The following NEK9 variants were observed in gnomAD, a reference collection of about 807,000 sequenced individuals.
The protein encoded by NEK9 is serine/threonine-protein kinase Nek9.
Under a neutral mutation model 123.4 loss-of-function variants are expected in NEK9, and 75 were observed. The observed-to-expected ratio is 0.61, with a 90% confidence interval of 0.50 to 0.74. The LOEUF (loss-of-function observed/expected upper bound fraction) is 0.74, where lower values mean the gene tolerates loss of function less well. NEK9 is among the 30% of genes least tolerant of loss of function. The probability of loss-of-function intolerance (pLI) is 0.00; values close to 1 mark genes in which losing one functional copy is unlikely to be tolerated. For missense variants in NEK9, 952 were observed against 1,214.4 expected (o/e 0.78, Z 3.21); for synonymous variants, 438 against 458.7 (o/e 0.95, Z 0.58).
chr14:75,122,542 GCT>G (rs2139809902), intron 2 of NEK9, among the ~76,000 whole-genome samples: 1 of 151,784 alleles, frequency 6.6e-6, no homozygotes, highest in Admixed American at 6.5e-5. Context: ...ATGGAGTCTC[GCT>G]CTGTCACCAG....
rs764013068 is a variant in NEK9, at chr14:75,126,774, G to C, written c.148C>G (p.Leu50Val). ...AGGACGCGGATGGGGATGTAGTGCA[G>C]TTCCTCCTGCTCCGCCGCGCCGCCG... ...AGGGAAEQEE[L>V]HYIPIRVLGR... The change falls in exon 1 of 22, where the codon CTG (leucine) becomes GTG (valine). Residue 50 changes from leucine to valine, a missense_variant. Leu to Val is a conservative substitution (Grantham distance 32). This residue lies in a region of NEK9 where 120 missense variants were observed against 97.6 expected (regional missense o/e 1.23). Coordinates refer to ENST00000238616, the MANE Select transcript of NEK9 (RefSeq NM_033116.6). The C allele has an allele frequency of 5.2e-6, 8 of 1,531,418 alleles. No homozygotes were observed. The South Asian group carries it at 7.3e-5, about 14-fold the overall frequency. 94.9% of individuals were successfully genotyped at this position (1,531,418 alleles called of 1,614,324 possible).
intron 13 of NEK9, among the ~76,000 whole-genome samples, chr14:75,104,294 T>C (rs1894696612): frequency 1.3e-5 from 2 of 151,618 alleles, no homozygotes; most frequent in Admixed American, 1.3e-4. Context: ...GCCTCCCAAA[T>C]AGCTGGGATG....
chr14:75,102,315 A>C (rs911592277), intron 14 of NEK9, among the ~76,000 whole-genome samples: 8 of 152,192 alleles, frequency 5.3e-5, no homozygotes, highest in African/African-American at 1.9e-4. Context: ...TAAATCAAGT[A>C]ATAGTAATTC....
At chr14:75,111,995 C>G (rs1402501344) in intron 8 of NEK9, among the ~76,000 whole-genome samples, 2 of 152,208 alleles carry the variant, frequency 1.3e-5, no homozygotes, top group Non-Finnish European at 2.9e-5. Flanking sequence ...AAGGGTGATA[C>G]TGCCTGCACG....
chr14:75,113,593 T>C (rs1895027701), intron 7 of NEK9, among the ~76,000 whole-genome samples, 190 bp from the exon 8 acceptor site: 1 of 152,250 alleles, frequency 6.6e-6, no homozygotes, highest in Admixed American at 6.5e-5. Flanking sequence ...ATGTTTATAA[T>C]GCATCTTCCT....
rs769598982 is a variant in NEK9, at chr14:75,088,603, G to C, written c.2481C>G (p.Ser827Arg). The C allele has an allele frequency of 1.2e-6, 2 of 1,614,000 alleles. No individual in the cohort carries two copies. The highest frequency in any genetic ancestry group is 4.5e-5 in the East Asian group (2 of 44,882). The change falls in exon 20 of 22, where the codon AGC (serine) becomes AGG (arginine). Residue 827 changes from serine to arginine, a missense_variant. Transcript: ENST00000238616. ...AAAACGCTGCACTGAGAGGAGATGG[G>C]CTGTCAGGCATGGGGATAAATTCTG... ...ENAEFIPMPD[S>R]PSPLSAAFSE...
Position 75,105,946 on chromosome 14 carries a change from T to C in NEK9, c.1575+4A>G. The C allele has an allele frequency of 6.2e-7, 1 of 1,611,760 alleles. No homozygotes were observed. The highest frequency in any genetic ancestry group is 1.1e-5 in the South Asian group (1 of 91,028). On this transcript the variant is annotated splice_donor_region_variant and intron_variant, in intron 13 of 21. Transcript: ENST00000238616. ...TTTTAGAAATAAGTTGCTTCTGATT[T>C]TACCTTTTGTGGTGTATAATAATCC...
intron 21 of NEK9, 35 bp from the exon 22 acceptor site, chr14:75,084,721 A>T: frequency 6.2e-7 from 1 of 1,613,558 alleles, no homozygotes; most frequent in Non-Finnish European, 8.5e-7. Flanking sequence ...CATTAGCAAC[A>T]GTGCCACCTA....
intron 16 of NEK9, among the ~76,000 whole-genome samples, chr14:75,099,774 T>C (rs1344088274): frequency 2.1e-5 from 2 of 96,808 alleles, no homozygotes; most frequent in Admixed American, 1.3e-4. Context: ...AACAGTGAGA[T>C]TGTGTCTCAA....
rs201853236 is a variant in NEK9 at position 75,118,872 on chromosome 14, G to A, written c.588C>T (p.Gly196=). The change falls in exon 5 of 22, where the codon GGC becomes GGT. Residue 196 remains glycine (G), a synonymous_variant. Coordinates refer to ENST00000238616, the MANE Select transcript of NEK9 (RefSeq NM_033116.6). ...ACTCAGAATTAAGTTTCTTTGCTAG[G>A]CCATAATCTCCAAGTTTTATCAGGT... ...KANLIKLGDY[G]LAKKLNSEYS... is the part of the protein sequence containing the mutation. 3.7e-6 allele frequency: 6 copies of A among 1,610,066 alleles called. No individual in the cohort carries two copies. Among genetic ancestry groups the A allele is most frequent in the East Asian group, 4.5e-5 (2 of 44,880 alleles).
At chr14:75,123,425 T>G (rs988877793) in intron 2 of NEK9, among the ~76,000 whole-genome samples, 1 of 151,604 alleles carries the variant, frequency 6.6e-6, no homozygotes, top group Admixed American at 6.6e-5. Context: ...ATAATAATAA[T>G]AAAAATAAAA....
chr14:75,120,724 A>G, intron 3 of NEK9, 144 bp from the exon 4 acceptor site: 1 of 655,610 alleles, frequency 1.5e-6, no homozygotes, highest in East Asian at 2.7e-5. Context: ...TTGCAGGTTG[A>G]GTAGGCAAAG....
chr14:75,110,302 A>G lies in NEK9; in HGVS notation c.989+19T>C. On this transcript the variant is annotated intron_variant, in intron 9 of 21. Coordinates refer to ENST00000238616, the MANE Select transcript of NEK9 (RefSeq NM_033116.6). ...GTAATTTCGGATATATTAGTTTTTA[A>G]GAGTCTCTTGAACATTACCTTGGTC... is the stretch of plus-strand genomic sequence containing the variant. 1 of 1,595,952 alleles carries G rather than the reference A, an allele frequency of 6.3e-7. No individual in the cohort carries two copies.
chr14:75,108,514 C>CGCGTGT (rs1894854953), intron 10 of NEK9, among the ~76,000 whole-genome samples: 1 of 147,816 alleles, frequency 6.8e-6, no homozygotes, highest in Admixed American at 6.8e-5. Context: ...TGTGCGTGTG[C>CGCGTGT]GTGTGTGTGT....
chr14:75,101,006 A>G lies in NEK9; in HGVS notation c.1988T>C (p.Ile663Thr), dbSNP rs1894557837. Residue 663 changes from isoleucine to threonine, a missense_variant, in exon 16 of 22, where the codon ATT becomes ACT. Physicochemically the swap from Ile to Thr is moderately conservative, Grantham distance 89. Coordinates refer to ENST00000238616, the MANE Select transcript of NEK9 (RefSeq NM_033116.6). Reference sequence around the variant, plus strand: ...TACAGACTCACCATCAGTGGCAGCAATGGTAAACTCATCACCGCAGGAGAC... The same window carrying G: ...TACAGACTCACCATCAGTGGCAGCAGTGGTAAACTCATCACCGCAGGAGAC... The part of the protein sequence containing the change: ...IRVSCGDEFT[I>T]AATDDNHIFA... 5.6e-6 allele frequency: 9 copies of G among 1,614,062 alleles called. No homozygotes were observed. The highest frequency in any genetic ancestry group is 5.9e-6 in the Non-Finnish European group (7 of 1,180,004).
At chr14:75,110,900 T>C (rs1378622595) in intron 8 of NEK9, among the ~76,000 whole-genome samples, 1 of 152,178 alleles carries the variant, frequency 6.6e-6, no homozygotes, top group African/African-American at 2.4e-5. Context: ...TCTACCTATA[T>C]AGTACTTTTT....
chr14:75,087,021 C>T lies in NEK9; in HGVS notation c.2814G>A (p.Gln938=). The part of the protein sequence containing the change: ...QKLNKKLEGG[Q]QVGMHSKGTQ... ...ATTATTCTTTTAATGCTCTCACCTG[C>T]TGCCCTCCTTCTAATTTCTTGTTCA... Residue 938 remains glutamine, a synonymous_variant, in exon 21 of 22, where the codon CAG becomes CAA. Coordinates refer to ENST00000238616, the MANE Select transcript of NEK9 (RefSeq NM_033116.6). The T allele has an allele frequency of 5.6e-6, 9 of 1,613,772 alleles. No individual in the cohort carries two copies. The highest frequency in any genetic ancestry group is 7.6e-6 in the Non-Finnish European group (9 of 1,179,596).
Position 75,083,982 on chromosome 14 carries a change from C to T in NEK9, c.*582G>A, listed in dbSNP as rs1286639544. On this transcript the variant is annotated 3_prime_UTR_variant, in exon 22 of 22. Coordinates refer to ENST00000238616, the MANE Select transcript of NEK9 (RefSeq NM_033116.6). Reference sequence around the variant, plus strand: ...CCTTTCCTCCTAAAGCATTTAGCTGCACAGAGTAACTGAACTTTTTCGAAA... The same window carrying T: ...CCTTTCCTCCTAAAGCATTTAGCTGTACAGAGTAACTGAACTTTTTCGAAA... The T allele has an allele frequency of 1.3e-5, 2 of 153,724 alleles. No individual in the cohort carries two copies. The highest frequency in any genetic ancestry group is 2.9e-5 in the Non-Finnish European group (2 of 69,116). 9.5% of individuals were successfully genotyped at this position (153,724 alleles called of 1,614,324 possible). A position where few individuals can be genotyped will look rare whatever the true frequency, so the allele number is the denominator to read the frequency against.
rs1478983024 is a variant in NEK9 at position 75,082,991 on chromosome 14, A to G, written c.*1573T>C. 2.5e-6 allele frequency: 1 copy of G among 398,536 alleles called. No homozygotes were observed. Among genetic ancestry groups the G allele is most frequent in the Non-Finnish European group, 4.4e-6 (1 of 226,074 alleles). The allele number at this position is 398,536 out of a possible 1,614,324, so 24.7% of individuals were successfully genotyped here. ...AACAATGGGAACATCAAACCAAAGA[A>G]GATCCCATTGAACAGAGTTGCCTGT... On this transcript the variant is annotated 3_prime_UTR_variant, in exon 22 of 22. Coordinates refer to ENST00000238616, the MANE Select transcript of NEK9 (RefSeq NM_033116.6).
Sources: allele counts gnomAD v4.1 joint callset (sites outside exome capture counted in the v4.1 genomes callset), GRCh38; gene constraint gnomAD v4.1.1; regional missense constraint gnomAD v4.1.1; transcripts MANE v1.5; gene names NCBI Gene and HGNC (gene_info 2026-07-23, HGNC 2026-07-21).